The following N4BP1 variants were observed in gnomAD, a reference collection of about 807,000 sequenced individuals.
N4BP1 encodes the protein NEDD4-binding protein 1.
Under a neutral mutation model 70.9 loss-of-function variants are expected in N4BP1, and 21 were observed. That is an observed-to-expected ratio of 0.30 (90% CI 0.21 to 0.43). The LOEUF is 0.43. N4BP1 is among the 20% of genes least tolerant of loss of function. The pLI is 1.00. For synonymous variants in N4BP1, 387 were observed against 394.6 expected (o/e 0.98, Z 0.23); for missense variants, 936 against 1,069.4 (o/e 0.88, Z 1.74).
chr16:48,585,797 G>A (rs1381434683), intron 1 of N4BP1, among the ~76,000 whole-genome samples: 4 of 152,104 alleles, frequency 2.6e-5, no homozygotes, highest in African/African-American at 9.7e-5. Flanking sequence ...CTGGGTTCAA[G>A]CAATTATCCT....
At position 48,561,822 on chromosome 16, in the gene N4BP1, T is replaced by C. The variant is rs777374134; in HGVS notation, c.821A>G (p.Glu274Gly). The C allele has an allele frequency of 2.5e-6, 4 of 1,613,788 alleles. No homozygotes were observed. The highest frequency in any genetic ancestry group is 2.5e-6 in the Non-Finnish European group (3 of 1,179,876). ...DPINGLTPDE[E>G]ALSNERICQK... is the part of the protein sequence containing the mutation. ...ACAAATTCTCTCATTGGAAAGTGCC[T>C]CTTCATCTGGGGTTAGACCATTTAT... The change falls in exon 2 of 7, where the codon GAG becomes GGG. Residue 274 changes from glutamate to glycine, a missense_variant. Coordinates refer to ENST00000262384, the MANE Select transcript of N4BP1 (RefSeq NM_153029.4).
chr16:48,573,453 C>T (rs1964051474), intron 1 of N4BP1, among the ~76,000 whole-genome samples: 1 of 152,036 alleles, frequency 6.6e-6, no homozygotes, highest in Non-Finnish European at 1.5e-5. Context: ...ATTAGTCGGG[C>T]ATTGTGGCAC....
Position 48,562,199 on chromosome 16 carries a change from G to A in N4BP1, c.444C>T (p.Pro148=), listed in dbSNP as rs778636281. 3.1e-6 allele frequency: 5 copies of A among 1,613,932 alleles called. No individual in the cohort carries two copies. The South Asian group carries it at 5.5e-5, about 18-fold the overall frequency. The change falls in exon 2 of 7, where the codon CCC becomes CCT. Residue 148 remains proline (P), a synonymous_variant. Coordinates refer to ENST00000262384, the MANE Select transcript of N4BP1 (RefSeq NM_153029.4). ...TCACCTCTGATTCTTTCTGACTACTGGGTAGGTTCTCTTTATTTTCAAAGA... is the reference window on the plus strand; with the variant it reads ...TCACCTCTGATTCTTTCTGACTACTAGGTAGGTTCTCTTTATTTTCAAAGA... ...VKLFENKENL[P]SSQKESEVKR...
At position 48,563,412 on chromosome 16, in the gene N4BP1, AT is replaced by A. The variant is rs922184575; in HGVS notation, c.199-969del. Among the ~76,000 whole-genome samples, 259 of 146,632 alleles carry A rather than the reference AT, an allele frequency of 1.8e-3. 3 individuals are homozygous for A. The highest frequency in any genetic ancestry group is 2.2e-3 in the East Asian group (11 of 5,054). ...AATAATGATTGTATATATATATATA[AT>A]TTTTTTTTTTTGAGATGGAGTTTTG... is the stretch of plus-strand genomic sequence containing the variant. On this transcript the variant is annotated intron_variant, in intron 1 of 6. Transcript: ENST00000262384.
chr16:48,551,186 C>T (rs1170497070), intron 4 of N4BP1, among the ~76,000 whole-genome samples, 200 bp downstream of exon 4: 2 of 152,168 alleles, frequency 1.3e-5, no homozygotes, highest in East Asian at 3.8e-4. Flanking sequence ...CCATGTTTTA[C>T]TAAAACACAA....
chr16:48,543,496 G>A (rs1963540658), intron 6 of N4BP1, among the ~76,000 whole-genome samples: 1 of 152,130 alleles, frequency 6.6e-6, no homozygotes, highest in Non-Finnish European at 1.5e-5. Flanking sequence ...GCTCTATGAG[G>A]GAGCACCACC....
chr16:48,602,993 C>A (rs749772034), intron 1 of N4BP1, among the ~76,000 whole-genome samples: 2 of 151,754 alleles, frequency 1.3e-5, no homozygotes, highest in Non-Finnish European at 2.9e-5. Flanking sequence ...CACACACACA[C>A]GCACGCACAC....
chr16:48,565,979 A>G (rs922330886), intron 1 of N4BP1, among the ~76,000 whole-genome samples: 1 of 152,118 alleles, frequency 6.6e-6, no homozygotes, highest in Non-Finnish European at 1.5e-5. Context: ...CATTCCTGAT[A>G]TTAGTAGTTT....
At chr16:48,603,797 C>T (rs367616707) in intron 1 of N4BP1, 1 of 152,200 alleles carries the variant, frequency 6.6e-6, no homozygotes, top group African/African-American at 2.4e-5. Flanking sequence ...TACATGACCC[C>T]CTGGGTTTCA....
Position 48,561,431 on chromosome 16 carries a change from T to C in N4BP1, c.1212A>G (p.Pro404=), listed in dbSNP as rs1298715730. ...CTTTATTTTTGGTTTTGTTGGTCTC[T>C]GGATACACTGTACCAGCTGAAAATT... ...DREFSAGTVY[P]ETNKTKNKGV... The change falls in exon 2 of 7, where the codon CCA becomes CCG. Residue 404 remains proline (P), a synonymous_variant. Transcript: ENST00000262384. The C allele has an allele frequency of 1.2e-6, 2 of 1,613,860 alleles. No homozygotes were observed. Among genetic ancestry groups the C allele is most frequent in the Admixed American group, 3.3e-5 (2 of 59,982 alleles).
chr16:48,600,874 A>G (rs1964486372), intron 1 of N4BP1, among the ~76,000 whole-genome samples: 1 of 152,226 alleles, frequency 6.6e-6, no homozygotes, highest in Non-Finnish European at 1.5e-5. Context: ...TCTACTTATA[A>G]CTATAGAAGT....
rs781498181 is a variant in N4BP1, at chr16:48,561,694, C to A, written c.949G>T (p.Ala317Ser). ...GATAGGTCAGCTATTACATTTCCAG[C>A]CAATGTCTTAGCATCGTGTAAAATC... The part of the protein sequence containing the change: ...GEILHDAKTL[A>S]GNVIADLSDS... Residue 317 changes from alanine (A) to serine (S), a missense_variant, in exon 2 of 7, where the codon GCT becomes TCT. Physicochemically the swap from Ala to Ser is moderately conservative, Grantham distance 99. Transcript: ENST00000262384. 1.9e-6 allele frequency: 3 copies of A among 1,612,836 alleles called. No homozygotes were observed. The highest frequency in any genetic ancestry group is 1.1e-5 in the South Asian group (1 of 91,080).
rs771829560 is a variant in N4BP1, at chr16:48,542,989, T to C, written c.2606A>G (p.Glu869Gly). 3.7e-6 allele frequency: 6 copies of C among 1,614,068 alleles called. No homozygotes were observed. The highest frequency in any genetic ancestry group is 5.1e-6 in the Non-Finnish European group (6 of 1,179,902). The change falls in exon 7 of 7, where the codon GAG (glutamate) becomes GGG (glycine). Residue 869 changes from glutamate to glycine, a missense_variant. Transcript: ENST00000262384. ...EALLKIFPDS[E>G]QRLKIDQILV... ...GATCTGGTCTATTTTCAGTCTTTGCTCTGAGTCAGGGAAGATCTTCAGAAG... is the reference window on the plus strand; with the variant it reads ...GATCTGGTCTATTTTCAGTCTTTGCCCTGAGTCAGGGAAGATCTTCAGAAG...
rs144385084 is a variant in N4BP1 at position 48,600,871 on chromosome 16, A to G, written c.198+8904T>C. Among the ~76,000 whole-genome samples the G allele has an allele frequency of 2.5e-3, 378 of 152,368 alleles. 4 individuals are homozygous for G. The highest frequency in any genetic ancestry group is 5.8e-3 in the East Asian group (30 of 5,186). ...TATGTAAATCACGAAAATTCTACTT[A>G]TAACTATAGAAGTGAATTGTGGATG... On this transcript the variant is annotated intron_variant, in intron 1 of 6. Transcript: ENST00000262384.
intron 1 of N4BP1, among the ~76,000 whole-genome samples, chr16:48,597,593 G>A (rs1489737126): frequency 6.6e-6 from 1 of 152,168 alleles, no homozygotes; most frequent in Non-Finnish European, 1.5e-5. Context: ...CCCCCAGAGA[G>A]GAACAGAATC....
intron 1 of N4BP1, chr16:48,587,077 C>T (rs1208880596): frequency 2.0e-5 from 3 of 152,212 alleles, no homozygotes. Flanking sequence ...CCAGTCTTGT[C>T]ATTAACAAGT....
chr16:48,570,368 C>T (rs371539985), intron 1 of N4BP1, among the ~76,000 whole-genome samples: 5 of 152,126 alleles, frequency 3.3e-5, no homozygotes, highest in Non-Finnish European at 5.9e-5. Flanking sequence ...TTTTTTGAGA[C>T]GGAGTCTCAC....
At chr16:48,598,775 G>T (rs1386398697) in intron 1 of N4BP1, among the ~76,000 whole-genome samples, 3 of 151,994 alleles carry the variant, frequency 2.0e-5, no homozygotes, top group Non-Finnish European at 4.4e-5. Flanking sequence ...TACACAAGTG[G>T]GTAAAACCTT....
intron 2 of N4BP1, among the ~76,000 whole-genome samples, chr16:48,554,707 T>G (rs988268938): frequency 6.6e-6 from 1 of 152,236 alleles, no homozygotes; most frequent in African/African-American, 2.4e-5. Flanking sequence ...TCTCCATGTC[T>G]AATGCTGCAT....
Sources: allele counts gnomAD v4.1 joint callset (sites outside exome capture counted in the v4.1 genomes callset), GRCh38; gene constraint gnomAD v4.1.1; transcripts MANE v1.5; gene names NCBI Gene and HGNC (gene_info 2026-07-23, HGNC 2026-07-21).